The following NPFFR2 variants were observed in gnomAD, a reference collection of about 807,000 sequenced individuals.
NPFFR2 encodes the protein neuropeptide FF receptor 2.
A neutral mutation model predicts 13.1 loss-of-function variants in NPFFR2; 15 were observed. The observed-to-expected ratio is 1.15, with a 90% confidence interval of 0.77 to 1.76. NPFFR2 has a LOEUF of 1.76. Among genes scored for constraint, NPFFR2 ranks in the 40% most tolerant of loss-of-function variants. The probability of loss-of-function intolerance (pLI) is 0.00; values close to 1 mark genes in which losing one functional copy is unlikely to be tolerated. For missense variants in NPFFR2, 572 were observed against 503.5 expected (o/e 1.14, Z -1.30); for synonymous variants, 190 against 175.7 (o/e 1.08, Z -0.65).
intron 1 of NPFFR2, among the ~76,000 whole-genome samples, chr4:72,086,593 C>G (rs1385710527): frequency 6.6e-6 from 1 of 152,008 alleles, no homozygotes; most frequent in Non-Finnish European, 1.5e-5. Context: ...AAGGAAATAA[C>G]TATATGTCTA....
chr4:72,088,255 A>G (rs1160617385), intron 1 of NPFFR2, among the ~76,000 whole-genome samples: 1 of 152,026 alleles, frequency 6.6e-6, no homozygotes, highest in African/African-American at 2.4e-5. Flanking sequence ...CTGCCTCACT[A>G]ATTTGTGAAC....
intron 1 of NPFFR2, among the ~76,000 whole-genome samples, chr4:72,098,298 G>T (rs1721127715): frequency 6.6e-6 from 1 of 152,154 alleles, no homozygotes; most frequent in South Asian, 2.1e-4. Flanking sequence ...TGTAAAAAGA[G>T]ATAAAATGGT....
At chr4:72,146,199 A>G (rs983096745) in intron 3 of NPFFR2, among the ~76,000 whole-genome samples, 2 of 152,164 alleles carry the variant, frequency 1.3e-5, no homozygotes, top group Non-Finnish European at 2.9e-5. Flanking sequence ...TCCATGTGTT[A>G]TAACTGGAAT....
At chr4:72,063,984 G>GA (rs1400086533) in intron 1 of NPFFR2, among the ~76,000 whole-genome samples, 1 of 151,990 alleles carries the variant, frequency 6.6e-6, no homozygotes. Flanking sequence ...TACCATTTAG[G>GA]AAAAAAGGAT....
intron 1 of NPFFR2, among the ~76,000 whole-genome samples, chr4:72,126,593 C>G (rs1722049403): frequency 6.6e-6 from 1 of 152,232 alleles, no homozygotes; most frequent in Non-Finnish European, 1.5e-5. Flanking sequence ...GAGTGGCTCA[C>G]TATGCCTAGA....
At position 72,147,293 on chromosome 4, in the gene NPFFR2, G is replaced by A. The variant is rs775525635; in HGVS notation, c.744G>A (p.Arg248=). 1.8e-5 allele frequency: 29 copies of A among 1,614,024 alleles called. No individual in the cohort carries two copies. Among genetic ancestry groups the A allele is most frequent in the Non-Finnish European group, 2.4e-5 (28 of 1,180,042 alleles). The change falls in exon 4 of 4, where the codon AGG becomes AGA. Residue 248 remains arginine (R), a synonymous_variant. Transcript: ENST00000308744. The part of the protein sequence containing the change: ...MYGRIGISLF[R]AAVPHTGRKN... ...GAAGGATTGGAATTTCACTCTTCAG[G>A]GCTGCAGTTCCTCACACAGGCAGGA... is the stretch of plus-strand genomic sequence containing the variant.
chr4:72,147,154 C>T lies in NPFFR2; in HGVS notation c.605C>T (p.Pro202Leu), dbSNP rs1722807299. The T allele has an allele frequency of 6.2e-7, 1 of 1,614,024 alleles. No individual in the cohort carries two copies. Among genetic ancestry groups the T allele is most frequent in the Non-Finnish European group, 8.5e-7 (1 of 1,180,018 alleles). ...CTCAACTCCCAGAATAAAACCAGTCCAGTCTACTGGTGCCGGGAAGACTGG... is the reference window on the plus strand; with the variant it reads ...CTCAACTCCCAGAATAAAACCAGTCTAGTCTACTGGTGCCGGGAAGACTGG... ...VRLNSQNKTS[P>L]VYWCREDWPN... Residue 202 changes from proline to leucine, a missense_variant, in exon 4 of 4, where the codon CCA becomes CTA. Physicochemically the swap from Pro to Leu is moderately conservative, Grantham distance 98 (BLOSUM62 -3). Coordinates refer to ENST00000308744, the MANE Select transcript of NPFFR2 (RefSeq NM_004885.3).
intron 1 of NPFFR2, among the ~76,000 whole-genome samples, chr4:72,083,511 T>C (rs565865283): frequency 8.5e-3 from 1 of 118 alleles, no homozygotes; most frequent in East Asian, 0.25. Flanking sequence ...CTGTCTCCTT[T>C]TTGAAATAAC....
intron 1 of NPFFR2, among the ~76,000 whole-genome samples, chr4:72,091,407 C>A (rs1375114294): frequency 6.6e-6 from 1 of 152,080 alleles, no homozygotes; most frequent in Admixed American, 6.6e-5. Context: ...AGGATTGGTA[C>A]TAATTCTTCT....
At chr4:72,038,972 T>C (rs1211092611) in intron 1 of NPFFR2, among the ~76,000 whole-genome samples, 1 of 132,692 alleles carries the variant, frequency 7.5e-6, no homozygotes, top group African/African-American at 2.7e-5. Context: ...TGGCGCAATC[T>C]CGGCTCACTG....
chr4:72,100,070 G>A (rs986001177), intron 1 of NPFFR2, among the ~76,000 whole-genome samples: 2 of 151,900 alleles, frequency 1.3e-5, no homozygotes, highest in Admixed American at 6.6e-5. Context: ...CTTAATATGT[G>A]GTTATTATGC....
chr4:72,082,832 C>T (rs1358054121), intron 1 of NPFFR2, among the ~76,000 whole-genome samples: 1 of 152,060 alleles, frequency 6.6e-6, no homozygotes, highest in Non-Finnish European at 1.5e-5. Context: ...AGCCCCCACT[C>T]CCTGGTAGCC....
rs201706126 is a variant in NPFFR2 at position 72,147,733 on chromosome 4, A to T, written c.1184A>T (p.Tyr395Phe). ...AACCCTCATGGGGAAACCTTGCTTT[A>T]TAGGAAAAGTGCTGAAAAACCCCAA... ...FQNPHGETLL[Y>F]RKSAEKPQQE... Residue 395 changes from tyrosine (Y) to phenylalanine (F), a missense_variant, in exon 4 of 4, where the codon TAT (tyrosine) becomes TTT (phenylalanine). Transcript: ENST00000308744. 2 of 1,608,444 alleles carry T rather than the reference A, an allele frequency of 1.2e-6. No individual in the cohort carries two copies. Among genetic ancestry groups the T allele is most frequent in the South Asian group, 1.1e-5 (1 of 89,430 alleles).
At chr4:72,131,031 A>G (rs576612739) in intron 2 of NPFFR2, among the ~76,000 whole-genome samples, 2 of 152,070 alleles carry the variant, frequency 1.3e-5, no homozygotes, top group Non-Finnish European at 2.9e-5. Context: ...CTCCAACCAT[A>G]GTCTCCAATG....
chr4:72,050,555 G>A (rs7688022), intron 1 of NPFFR2, among the ~76,000 whole-genome samples: 135,558 of 151,976 alleles, frequency 0.89, 61,546 homozygotes, highest in Non-Finnish European at 0.98. Flanking sequence ...ACATGACATG[G>A]CAAATAGCAG....
intron 1 of NPFFR2, among the ~76,000 whole-genome samples, chr4:72,056,891 C>G (rs1390834073): frequency 7.9e-5 from 12 of 151,886 alleles, no homozygotes; most frequent in Admixed American, 7.9e-4. Context: ...CAAACTTAAA[C>G]AGATGAGGAG....
chr4:72,122,364 A>C lies in NPFFR2; in HGVS notation c.-7-6221A>C, dbSNP rs189522067. On this transcript the variant is annotated intron_variant, in intron 1 of 3. Coordinates refer to ENST00000308744, the MANE Select transcript of NPFFR2 (RefSeq NM_004885.3). The stretch of plus-strand genomic sequence containing the variant: ...ACTGATGAGACAGAAGTTAACAAAA[A>C]TATTCAGGACTTGAACTCAGCTCTG... Among the ~76,000 whole-genome samples the C allele has an allele frequency of 4.6e-5, 7 of 152,282 alleles. No individual in the cohort carries two copies. The East Asian group carries it at 1.4e-3, about 29-fold the overall frequency.
intron 1 of NPFFR2, among the ~76,000 whole-genome samples, chr4:72,046,239 T>G (rs773738192): frequency 5.3e-5 from 8 of 152,124 alleles, no homozygotes; most frequent in Non-Finnish European, 1.0e-4. Context: ...TTGGAAGCTC[T>G]CTCCAAAACT....
Position 72,060,499 on chromosome 4 carries a change from A to G in NPFFR2, c.-8+28299A>G, listed in dbSNP as rs1719889475. Among the ~76,000 whole-genome samples the G allele has an allele frequency of 2.0e-5, 3 of 152,286 alleles. No homozygotes were observed. In the South Asian group the frequency reaches 6.2e-4, roughly 32 times the overall value. On this transcript the variant is annotated intron_variant, in intron 1 of 3. Coordinates refer to ENST00000308744, the MANE Select transcript of NPFFR2 (RefSeq NM_004885.3). ...TTCTCTGGGCCCTCCTAGTGATACAATGAAGAGGTAGATTCCCTCCTCAAT... is the reference window on the plus strand; with the variant it reads ...TTCTCTGGGCCCTCCTAGTGATACAGTGAAGAGGTAGATTCCCTCCTCAAT...
Sources: allele counts gnomAD v4.1 joint callset (sites outside exome capture counted in the v4.1 genomes callset), GRCh38; gene constraint gnomAD v4.1.1; transcripts MANE v1.5; gene names NCBI Gene and HGNC (gene_info 2026-07-23, HGNC 2026-07-21).